ATP9A: variants seen among roughly 807,000 people sequenced by gnomAD.
ATP9A encodes ATPase phospholipid transporting 9A.
A neutral mutation model predicts 144.1 loss-of-function variants in ATP9A; 52 were observed. The ratio of observed to expected loss-of-function variants is 0.36; its 90% CI spans 0.29 to 0.45. The LOEUF is 0.45. Ranked by LOEUF, ATP9A falls within the 20% of genes least tolerant of loss-of-function variation. The pLI is 1.00. For synonymous variants in ATP9A, 582 were observed against 557.4 expected, an observed-to-expected ratio of 1.04 and a Z score of -0.62; for missense variants, 947 against 1,392.7, an observed-to-expected ratio of 0.68 and a Z score of 5.09.
intron 16 of ATP9A, 77 bp downstream of exon 16, chr20:51,628,903 C>G: frequency 7.9e-7 from 1 of 1,261,670 alleles, no homozygotes; most frequent in Non-Finnish European, 1.1e-6. Flanking sequence ...AATACAGAGA[C>G]CCACCTTACC....
In ATP9A at chr20:51,759,581, G is replaced by A. The variant is rs113424738; in HGVS notation, c.68+8721C>T. Among the ~76,000 whole-genome samples, 1,228 of 152,230 alleles carry A rather than the reference G, an allele frequency of 8.1e-3. 11 individuals are homozygous for A. The highest frequency in any genetic ancestry group is 0.028 in the African/African-American group (1,145 of 41,528). On this transcript the variant is annotated intron_variant, in intron 1 of 27. Transcript: ENST00000338821. ...CCATGTACTCAGGAGGCTGAGGCAA[G>A]AGAATCGCTTGAACCTCAGAGGCAG...
At chr20:51,697,366 A>G in intron 5 of ATP9A, 58 bp downstream of exon 5, 1 of 1,510,518 alleles carries the variant, frequency 6.6e-7, no homozygotes, top group Non-Finnish European at 9.1e-7. Context: ...AGATACACAA[A>G]TGACACATTA....
intron 1 of ATP9A, among the ~76,000 whole-genome samples, chr20:51,750,285 C>T (rs1203700577): frequency 6.6e-6 from 1 of 152,220 alleles, no homozygotes; most frequent in Non-Finnish European, 1.5e-5. Context: ...TCACCTCCCC[C>T]AGGCCTGGCA....
chr20:51,607,445 C>T (rs935829741), intron 26 of ATP9A, 82 bp downstream of exon 26: 3 of 1,301,948 alleles, frequency 2.3e-6, no homozygotes, highest in Non-Finnish European at 3.3e-6. Flanking sequence ...CGTTTCTTCT[C>T]TTCTTGTTCT....
chr20:51,658,913 T>G (rs2077400217), intron 13 of ATP9A, among the ~76,000 whole-genome samples: 1 of 114,158 alleles, frequency 8.8e-6, no homozygotes. Context: ...GAAGGCTCAT[T>G]GTTGAACACA....
intron 9 of ATP9A, among the ~76,000 whole-genome samples, chr20:51,684,562 G>A (rs1026559597): frequency 6.6e-6 from 1 of 151,392 alleles, no homozygotes; most frequent in Non-Finnish European, 1.5e-5. Context: ...CAGGCGCGGT[G>A]CCAGGCACCT....
intron 1 of ATP9A, among the ~76,000 whole-genome samples, chr20:51,738,737 T>C (rs962061309): frequency 2.0e-5 from 3 of 151,362 alleles, no homozygotes; most frequent in Non-Finnish European, 2.9e-5. Flanking sequence ...AAAAACAAAG[T>C]GTATGCCTCT....
Position 51,651,718 on chromosome 20 carries a change from T to C in ATP9A, c.1506+5220A>G, listed in dbSNP as rs189661472. Among the ~76,000 whole-genome samples, 325 of 152,014 alleles carry C rather than the reference T, an allele frequency of 2.1e-3. 2 individuals carry two copies. Among genetic ancestry groups the C allele is most frequent in the African/African-American group, 7.6e-3 (316 of 41,482 alleles). On this transcript the variant is annotated intron_variant, in intron 14 of 27. Transcript: ENST00000338821. The stretch of plus-strand genomic sequence containing the variant: ...CTGAGGTGAGTGGATCATTTGAGGT[T>C]AGGAGTTTGAGACCAGCCTGGCCAG...
At chr20:51,767,501 G>C (rs182146005) in intron 1 of ATP9A, among the ~76,000 whole-genome samples, 1 of 151,244 alleles carries the variant, frequency 6.6e-6, no homozygotes, top group Non-Finnish European at 1.5e-5. Flanking sequence ...CGAACAGGAA[G>C]ACGGCGAGGC....
chr20:51,719,385 AC>A (rs923777754), intron 3 of ATP9A, among the ~76,000 whole-genome samples: 32 of 152,230 alleles, frequency 2.1e-4, no homozygotes, highest in African/African-American at 7.5e-4. Context: ...GAGAAAAAAT[AC>A]TAAAAATTTT....
chr20:51,751,995 C>G (rs1267932512), intron 1 of ATP9A, among the ~76,000 whole-genome samples: 2 of 151,314 alleles, frequency 1.3e-5, no homozygotes, highest in Non-Finnish European at 2.9e-5. Flanking sequence ...ACAAGACAAA[C>G]GAGGGCACTG....
rs2077574742 is a variant in ATP9A, at chr20:51,697,319, G to A, written c.495+105C>T. The A allele has an allele frequency of 1.6e-5, 18 of 1,134,102 alleles. No homozygotes were observed. In the South Asian group the frequency reaches 2.2e-4, roughly 14 times the overall value. 70.3% of individuals were successfully genotyped at this position (1,134,102 alleles called of 1,614,324 possible). On this transcript the variant is annotated intron_variant, in intron 5 of 27. Coordinates refer to ENST00000338821, the MANE Select transcript of ATP9A (RefSeq NM_006045.3). ...TTTTTCTCCCCAGGCAAAGTTTTTG[G>A]ATAGAATCCCAAAATTCAACATTCA... is the stretch of plus-strand genomic sequence containing the variant.
At chr20:51,628,001 C>G (rs1293953849) in intron 16 of ATP9A, among the ~76,000 whole-genome samples, 2 of 152,178 alleles carry the variant, frequency 1.3e-5, no homozygotes, top group Admixed American at 1.3e-4. Context: ...AACTGAGCAT[C>G]TGACAAAACC....
intron 11 of ATP9A, 39 bp from the exon 12 acceptor site, chr20:51,671,296 A>T (rs2122788139): frequency 6.3e-7 from 1 of 1,597,794 alleles, no homozygotes; most frequent in South Asian, 1.1e-5. Flanking sequence ...AACAGGACAG[A>T]TGTAAGGCTC....
chr20:51,708,555 C>T (rs1487262756), intron 4 of ATP9A, among the ~76,000 whole-genome samples: 10 of 151,658 alleles, frequency 6.6e-5, no homozygotes, highest in Admixed American at 6.6e-5. Context: ...GCCAATATGG[C>T]GAAACCTCGT....
Position 51,674,333 on chromosome 20 carries a change from C to A in ATP9A, c.877-20G>T, listed in dbSNP as rs1358179494. 6.2e-7 allele frequency: 1 copy of A among 1,611,252 alleles called. No individual in the cohort carries two copies. On this transcript the variant is annotated intron_variant, in intron 10 of 27. Transcript: ENST00000338821. ...GCCGATCTGTGGGACGAAGCACAAA[C>A]CAGGGCTTGAGATGAGCTGGTGTAA... is the stretch of plus-strand genomic sequence containing the variant.
At chr20:51,721,401 C>T (rs1321813163) in intron 3 of ATP9A, among the ~76,000 whole-genome samples, 1 of 152,254 alleles carries the variant, frequency 6.6e-6, no homozygotes, top group East Asian at 1.9e-4. Flanking sequence ...TAGGTGGATT[C>T]CTGAGCCCAG....
At chr20:51,759,534 G>A (rs2077870267) in intron 1 of ATP9A, among the ~76,000 whole-genome samples, 2 of 152,078 alleles carry the variant, frequency 1.3e-5, no homozygotes, top group East Asian at 1.9e-4. Flanking sequence ...TTAGCTAGGC[G>A]TGGTGGCGGG....
chr20:51,640,630 C>A (rs771593905), intron 14 of ATP9A, among the ~76,000 whole-genome samples: 1 of 152,208 alleles, frequency 6.6e-6, no homozygotes, highest in Non-Finnish European at 1.5e-5. Context: ...CAAGAGTCAT[C>A]GCACGGGTGT....
Sources: allele counts gnomAD v4.1 joint callset (sites outside exome capture counted in the v4.1 genomes callset), GRCh38; gene constraint gnomAD v4.1.1; transcripts MANE v1.5; gene names NCBI Gene and HGNC (gene_info 2026-07-23, HGNC 2026-07-21).